GTSE1: variants seen among roughly 807,000 people sequenced by gnomAD.
GTSE1 encodes G2 and S phase-expressed protein 1.
GTSE1 carries 52 observed loss-of-function variants against 60.5 expected under a neutral mutation model. That is an observed-to-expected ratio of 0.86 (90% CI 0.69 to 1.08). The LOEUF is 1.08. GTSE1 is among the 50% of genes least tolerant of loss of function. The pLI is 0.00. For synonymous variants in GTSE1, 368 were observed against 386.5 expected (o/e 0.95, Z 0.56); for missense variants, 937 against 961.8 (o/e 0.97, Z 0.34).
rs558165336 is a variant in GTSE1 at position 46,304,184 on chromosome 22, G to A, written c.80-3966G>A. Reference sequence around the variant, plus strand: ...TTTTTTTTTCTTTTTGTAGAGCTGGGGTCTCGCTATGTTGCGAGGGCTGGC... The same window carrying A: ...TTTTTTTTTCTTTTTGTAGAGCTGGAGTCTCGCTATGTTGCGAGGGCTGGC... On this transcript the variant is annotated intron_variant, in intron 2 of 11. Transcript: ENST00000454366. This position sits in a 1 kb window ranked among gnomAD's most constrained non-coding sequence, Gnocchi z 4.4. Among the ~76,000 whole-genome samples the A allele has an allele frequency of 6.6e-6, 1 of 151,950 alleles. No individual in the cohort carries two copies. The highest frequency in any genetic ancestry group is 2.4e-5 in the African/African-American group (1 of 41,436).
At position 46,297,279 on chromosome 22, in the gene GTSE1, C is replaced by T; in HGVS notation, c.-21-101C>T. The stretch of plus-strand genomic sequence containing the variant: ...GCGCCGCCTCTCCCAGACCTGGCCG[C>T]GGCCTTCAGCTCTCTCTGCCTCTGT... On this transcript the variant is annotated intron_variant, in intron 1 of 11. Coordinates refer to ENST00000454366, the MANE Select transcript of GTSE1 (RefSeq NM_016426.7). The surrounding 1 kb of genome is among the most constrained non-coding windows in gnomAD (Gnocchi z 4.9). 1 of 751,728 alleles carries T rather than the reference C, an allele frequency of 1.3e-6. No homozygotes were observed. Among genetic ancestry groups the T allele is most frequent in the Non-Finnish European group, 2.3e-6 (1 of 429,224 alleles). The allele number at this position is 751,728 out of a possible 1,614,324, so 46.6% of individuals were successfully genotyped here.
In GTSE1 at chr22:46,316,664, G is replaced by A. The variant is rs935829631; in HGVS notation, c.1432+252G>A. 1.4e-4 allele frequency among the ~76,000 whole-genome samples: 21 copies of A among 152,078 alleles called. No homozygotes were observed. The highest frequency in any genetic ancestry group is 5.1e-4 in the African/African-American group (21 of 41,410). ...GGCTGCTTGTAAGGTTTTCTCTTTAGTGTTACTGTCGGGAATTTGATTATT... is the reference window on the plus strand; with the variant it reads ...GGCTGCTTGTAAGGTTTTCTCTTTAATGTTACTGTCGGGAATTTGATTATT... On this transcript the variant is annotated intron_variant, in intron 7 of 11. Coordinates refer to ENST00000454366, the MANE Select transcript of GTSE1 (RefSeq NM_016426.7). This position sits in a 1 kb window ranked among gnomAD's most constrained non-coding sequence, Gnocchi z 5.0.
At chr22:46,326,733 C>A in intron 9 of GTSE1, 79 bp downstream of exon 9, 2 of 995,480 alleles carry the variant, frequency 2.0e-6, no homozygotes, top group Non-Finnish European at 2.9e-6. Context: ...CTTTTTCTTG[C>A]CTTGCTCCAG....
At chr22:46,300,685 T>C (rs2077684705) in intron 2 of GTSE1, among the ~76,000 whole-genome samples, 1 of 152,176 alleles carries the variant, frequency 6.6e-6, no homozygotes, top group South Asian at 2.1e-4. Context: ...CTGTTGTGGG[T>C]GCTCATGTGT....
Position 46,297,343 on chromosome 22 carries a change from AC to A in GTSE1, c.-21-36del. The A allele has an allele frequency of 8.5e-7, 1 of 1,176,408 alleles. No homozygotes were observed. The highest frequency in any genetic ancestry group is 1.3e-6 in the Non-Finnish European group (1 of 781,972). 72.9% of individuals were successfully genotyped at this position (1,176,408 alleles called of 1,614,324 possible). On this transcript the variant is annotated intron_variant, in intron 1 of 11. Coordinates refer to ENST00000454366, the MANE Select transcript of GTSE1 (RefSeq NM_016426.7). This position sits in a 1 kb window ranked among gnomAD's most constrained non-coding sequence, Gnocchi z 4.9. Reference sequence around the variant, plus strand: ...AAGGAAGCCGGAGCCCTGGGCCCTGACACGTACTCACTTTCTGGCCCCGTTC... The same window carrying A: ...AAGGAAGCCGGAGCCCTGGGCCCTGAACGTACTCACTTTCTGGCCCCGTTC...
intron 8 of GTSE1, among the ~76,000 whole-genome samples, 198 bp downstream of exon 8, chr22:46,323,460 C>T (rs9627410): frequency 0.048 from 7,330 of 152,256 alleles, 595 homozygotes; most frequent in African/African-American, 0.17. Context: ...GAGACTTCCG[C>T]GATGCAGTAC....
At chr22:46,328,290 C>A (rs1395745565) in intron 9 of GTSE1, among the ~76,000 whole-genome samples, 1 of 152,174 alleles carries the variant, frequency 6.6e-6, no homozygotes, top group Non-Finnish European at 1.5e-5. Context: ...GCAGAAGGAG[C>A]CAGCTGCATA....
chr22:46,330,549 A>G lies in GTSE1; in HGVS notation c.*419A>G, dbSNP rs2077870548. Reference sequence around the variant, plus strand: ...TTGAAAAAGAAAAATAAGCATAAATATATTCCCAGTGCTGGAGAGGGTGGG... The same window carrying G: ...TTGAAAAAGAAAAATAAGCATAAATGTATTCCCAGTGCTGGAGAGGGTGGG... On this transcript the variant is annotated 3_prime_UTR_variant, in exon 12 of 12. Coordinates refer to ENST00000454366, the MANE Select transcript of GTSE1 (RefSeq NM_016426.7). The surrounding 1 kb of genome is among the most constrained non-coding windows in gnomAD (Gnocchi z 6.0). The G allele has an allele frequency of 1.8e-5, 3 of 171,374 alleles. No homozygotes were observed. Among genetic ancestry groups the G allele is most frequent in the East Asian group, 3.4e-4 (2 of 5,882 alleles). The allele number at this position is 171,374 out of a possible 1,614,324, so 10.6% of individuals were successfully genotyped here. A position where few individuals can be genotyped will look rare whatever the true frequency, so the allele number is the denominator to read the frequency against.
At chr22:46,307,257 A>C (rs1049190738) in intron 2 of GTSE1, among the ~76,000 whole-genome samples, 1 of 152,126 alleles carries the variant, frequency 6.6e-6, no homozygotes, top group Non-Finnish European at 1.5e-5. Context: ...TAGAGTCCCT[A>C]CTCCGTGCAT....
At position 46,318,261 on chromosome 22, in the gene GTSE1, G is replaced by T. The variant is rs2147825878; in HGVS notation, c.1432+1849G>T. Among the ~76,000 whole-genome samples, 1 of 152,330 alleles carries T rather than the reference G, an allele frequency of 6.6e-6. No homozygotes were observed. Among genetic ancestry groups the T allele is most frequent in the South Asian group, 2.1e-4 (1 of 4,826 alleles). On this transcript the variant is annotated intron_variant, in intron 7 of 11. Transcript: ENST00000454366. This position sits in a 1 kb window ranked among gnomAD's most constrained non-coding sequence, Gnocchi z 4.8. ...CTGGCCTCCTCTGTCAGGCAGATCT[G>T]CCCTCTGGGTGCTTGAGGATTTTAA...
In GTSE1 at chr22:46,329,266, G is replaced by A; in HGVS notation, c.1927-92G>A. 9.2e-7 allele frequency: 1 copy of A among 1,091,220 alleles called. No individual in the cohort carries two copies. Among genetic ancestry groups the A allele is most frequent in the Non-Finnish European group, 1.4e-6 (1 of 714,130 alleles). The allele number at this position is 1,091,220 out of a possible 1,614,324, so 67.6% of individuals were successfully genotyped here. On this transcript the variant is annotated intron_variant, in intron 10 of 11. Transcript: ENST00000454366. The surrounding 1 kb of genome is among the most constrained non-coding windows in gnomAD (Gnocchi z 6.4). ...GATTCCTTGGCTTTCCAAACCGCCA[G>A]CCCACCTGGAACATGAGCAAAGCTC...
Position 46,329,136 on chromosome 22 carries a change from A to G in GTSE1, c.1927-222A>G, listed in dbSNP as rs1029768167. 9.6e-6 allele frequency: 6 copies of G among 627,734 alleles called. No homozygotes were observed. The highest frequency in any genetic ancestry group is 1.4e-5 in the Non-Finnish European group (5 of 355,846). 38.9% of individuals were successfully genotyped at this position (627,734 alleles called of 1,614,324 possible). On this transcript the variant is annotated intron_variant, in intron 10 of 11. Coordinates refer to ENST00000454366, the MANE Select transcript of GTSE1 (RefSeq NM_016426.7). This position sits in a 1 kb window ranked among gnomAD's most constrained non-coding sequence, Gnocchi z 6.4. ...CTGAGGAAGCGGGAAGCAGGGTGGC[A>G]GGAGCTGGTGGCTGCTGGTGAGCGG...
In GTSE1 at chr22:46,324,958, C is replaced by T. The variant is rs1458250462; in HGVS notation, c.1506-1478C>T. On this transcript the variant is annotated intron_variant, in intron 8 of 11. Transcript: ENST00000454366. The surrounding 1 kb of genome is among the most constrained non-coding windows in gnomAD (Gnocchi z 5.2). Reference sequence around the variant, plus strand: ...CGAGGGGCCATGGTGGTGGGATGTCCTTGACTCATTTTATTTTAAAATAAT... The same window carrying T: ...CGAGGGGCCATGGTGGTGGGATGTCTTTGACTCATTTTATTTTAAAATAAT... 1.3e-5 allele frequency among the ~76,000 whole-genome samples: 2 copies of T among 152,192 alleles called. No homozygotes were observed. Among genetic ancestry groups the T allele is most frequent in the African/African-American group, 4.8e-5 (2 of 41,444 alleles).
chr22:46,298,780 T>C (rs1236788780), intron 2 of GTSE1, among the ~76,000 whole-genome samples: 1 of 152,198 alleles, frequency 6.6e-6, no homozygotes, highest in African/African-American at 2.4e-5. Flanking sequence ...CCCTGCTCCT[T>C]CTTGAGGCCT....
intron 8 of GTSE1, among the ~76,000 whole-genome samples, chr22:46,325,590 G>C (rs995632422): frequency 6.6e-6 from 1 of 152,016 alleles, no homozygotes; most frequent in African/African-American, 2.4e-5. Context: ...CTACCTCCTG[G>C]GTTCAAGTGA....
chr22:46,307,237 C>G (rs919471169), intron 2 of GTSE1, among the ~76,000 whole-genome samples: 1 of 152,166 alleles, frequency 6.6e-6, no homozygotes, highest in Non-Finnish European at 1.5e-5. Context: ...TGGCGGTCAA[C>G]GAATTCTTAT....
intron 7 of GTSE1, among the ~76,000 whole-genome samples, chr22:46,322,273 G>A (rs182111243): frequency 6.6e-6 from 1 of 152,078 alleles, no homozygotes; most frequent in Non-Finnish European, 1.5e-5. Flanking sequence ...GGCTGTCTGT[G>A]GGGGCAGCAG....
intron 8 of GTSE1, among the ~76,000 whole-genome samples, chr22:46,323,560 C>T (rs762664494): frequency 1.3e-5 from 2 of 152,246 alleles, no homozygotes; most frequent in South Asian, 4.1e-4. Flanking sequence ...CCGTGCCCAG[C>T]CCACCCCAGG....
At position 46,328,715 on chromosome 22, in the gene GTSE1, A is replaced by T; in HGVS notation, c.1752A>T (p.Arg584Ser). The T allele has an allele frequency of 6.2e-7, 1 of 1,614,032 alleles. No individual in the cohort carries two copies. Among genetic ancestry groups the T allele is most frequent in the African/African-American group, 1.3e-5 (1 of 75,074 alleles). The change falls in exon 10 of 12, where the codon AGA becomes AGT. Residue 584 changes from arginine to serine, a missense_variant. Physicochemically the swap from Arg to Ser is moderately radical, Grantham distance 110. Coordinates refer to ENST00000454366, the MANE Select transcript of GTSE1 (RefSeq NM_016426.7). Reference protein sequence around the residue: ...MRTEPTRESNRKTDSRLVDVS... With the variant: ...MRTEPTRESNSKTDSRLVDVS... ...CTGAACCAACAAGGGAGAGCAACAG[A>T]AAGACAGATTCCAGGCTGGTGGATG...
Sources: allele counts gnomAD v4.1 joint callset (sites outside exome capture counted in the v4.1 genomes callset), GRCh38; gene constraint gnomAD v4.1.1; non-coding constraint Gnocchi (gnomAD v3.1); transcripts MANE v1.5; gene names NCBI Gene and HGNC (gene_info 2026-07-23, HGNC 2026-07-21).